SETD5: variants seen among roughly 807,000 people sequenced by gnomAD.
SETD5 encodes SET domain containing 5.
Under a neutral mutation model 153.3 loss-of-function variants are expected in SETD5, and 44 were observed. The observed-to-expected ratio is 0.29, with a 90% CI of 0.23 to 0.37. The LOEUF (loss-of-function observed/expected upper bound fraction) is 0.37, where lower values mean the gene tolerates loss of function less well. Ranked by LOEUF, SETD5 falls within the 10% of genes least tolerant of loss-of-function variation. The pLI is 1.00. For synonymous variants in SETD5, 716 were observed against 645.2 expected, an observed-to-expected ratio of 1.11 and a Z score of -1.66; for missense variants, 1,544 against 1,768.0, an observed-to-expected ratio of 0.87 and a Z score of 2.27.
At chr3:9,417,065 T>G (rs2037573975) in intron 1 of SETD5, among the ~76,000 whole-genome samples, 1 of 152,136 alleles carries the variant, frequency 6.6e-6, no homozygotes, top group Admixed American at 6.5e-5. Context: ...GAGTTTGGAC[T>G]AGCCCAATAA....
At chr3:9,469,092 C>T (rs1205366324) in intron 18 of SETD5, among the ~76,000 whole-genome samples, 1 of 152,138 alleles carries the variant, frequency 6.6e-6, no homozygotes, top group Non-Finnish European at 1.5e-5. Context: ...AAGGGAAAGT[C>T]ATTCTGTCTT....
intron 18 of SETD5, 156 bp downstream of exon 18, chr3:9,464,828 C>G: frequency 8.5e-7 from 1 of 1,181,594 alleles, no homozygotes; most frequent in South Asian, 1.4e-5. Flanking sequence ...TGGCCTGTTA[C>G]CTGGTAGCCT....
rs1398665797 is a variant in SETD5 at position 9,447,703 on chromosome 3, A to G, written c.1800A>G (p.Lys600=). Residue 600 remains lysine (K), a synonymous_variant, in exon 15 of 23, where the codon AAA becomes AAG. Transcript: ENST00000402198. ...TGCTACAGGATATTGCTGCAGAAAA[A>G]CTAGTCCCCAAGCCACCTCCAGCAA... ...SSQAGDIAAE[K]LVPKPPPAKP... 3.7e-6 allele frequency: 6 copies of G among 1,613,662 alleles called. No homozygotes were observed. Among genetic ancestry groups the G allele is most frequent in the Admixed American group, 1.7e-5 (1 of 59,980 alleles).
chr3:9,399,147 A>G (rs1470053451), intron 1 of SETD5, among the ~76,000 whole-genome samples: 2 of 151,930 alleles, frequency 1.3e-5, no homozygotes, highest in South Asian at 2.1e-4. Context: ...TTTAGATGAC[A>G]TATTTGTGAC....
At chr3:9,450,719 A>G (rs1440055689) in intron 16 of SETD5, among the ~76,000 whole-genome samples, 2 of 152,156 alleles carry the variant, frequency 1.3e-5, no homozygotes, top group Non-Finnish European at 2.9e-5. Flanking sequence ...AAAACCCTCC[A>G]TGGGATTATT....
Position 9,434,147 on chromosome 3 carries a change from T to G in SETD5, c.178-187T>G. ...TCCCAGTTGACCTTGGCATTTTGTT[T>G]TATCACTTTCCTGGTTGAAGCCAAA... On this transcript the variant is annotated intron_variant, in intron 4 of 22. Transcript: ENST00000402198. The surrounding 1 kb of genome is among the most constrained non-coding windows in gnomAD (Gnocchi z 5.6). 6.5e-7 allele frequency: 1 copy of G among 1,548,588 alleles called. No homozygotes were observed. The highest frequency in any genetic ancestry group is 8.7e-7 in the Non-Finnish European group (1 of 1,147,590).
intron 13 of SETD5, among the ~76,000 whole-genome samples, chr3:9,445,970 T>TG (rs1249321828): frequency 3.4e-5 from 5 of 145,818 alleles, no homozygotes; most frequent in African/African-American, 1.3e-4. Context: ...AGGTTGTTTT[T>TG]TTTTTTTTTT....
Position 9,470,854 on chromosome 3 carries a change from A to G in SETD5, c.3120A>G (p.Gly1040=), listed in dbSNP as rs2045219285. 6.2e-7 allele frequency: 1 copy of G among 1,611,926 alleles called. No individual in the cohort carries two copies. The highest frequency in any genetic ancestry group is 8.5e-7 in the Non-Finnish European group (1 of 1,179,054). ...EHGLMKDLSR[G]SLSPGGERAC... ...GCTTAATGAAAGACCTCTCTCGTGGATCCTTGTCACCTGGTGGTGAAAGGG... is the reference window on the plus strand; with the variant it reads ...GCTTAATGAAAGACCTCTCTCGTGGGTCCTTGTCACCTGGTGGTGAAAGGG... The change falls in exon 19 of 23, where the codon GGA becomes GGG. Residue 1040 remains glycine, a synonymous_variant. Transcript: ENST00000402198.
At chr3:9,446,069 C>T (rs572894869) in intron 13 of SETD5, among the ~76,000 whole-genome samples, 17 of 147,620 alleles carry the variant, frequency 1.2e-4, no homozygotes, top group African/African-American at 2.3e-4. Context: ...GGGCGGATCA[C>T]GAGGTCAGGA....
At chr3:9,454,622 C>CAAAAAAAAAAAAA (rs67028533) in intron 17 of SETD5, among the ~76,000 whole-genome samples, 78 of 58,038 alleles carry the variant, frequency 1.3e-3, no homozygotes, top group Middle Eastern at 0.014. Flanking sequence ...AACTCCGTCT[C>CAAAAAAAAAAAAA]AAAAAAAAAA....
intron 13 of SETD5, among the ~76,000 whole-genome samples, chr3:9,446,376 A>G (rs750823349): frequency 1.2e-4 from 18 of 151,294 alleles, no homozygotes; most frequent in Non-Finnish European, 2.5e-4. Flanking sequence ...TGAATTAGGA[A>G]TTTTCTAGGT....
chr3:9,437,111 T>C (rs1235666562), intron 7 of SETD5, among the ~76,000 whole-genome samples: 1 of 152,202 alleles, frequency 6.6e-6, no homozygotes, highest in Non-Finnish European at 1.5e-5. Flanking sequence ...TTGATTGGTT[T>C]TTCATTCATT....
chr3:9,417,496 T>C (rs979037717), intron 1 of SETD5, among the ~76,000 whole-genome samples: 15 of 151,658 alleles, frequency 9.9e-5, no homozygotes, highest in South Asian at 2.1e-4. Flanking sequence ...TTTTTTTTTT[T>C]TCCCCCCGAG....
chr3:9,427,157 A>G (rs796232030), intron 2 of SETD5, among the ~76,000 whole-genome samples: 2 of 152,286 alleles, frequency 1.3e-5, no homozygotes, highest in African/African-American at 2.4e-5. Context: ...AAGTGTTGGT[A>G]TTACAGTTGT....
chr3:9,433,502 A>T, intron 3 of SETD5: 1 of 1,292,210 alleles, frequency 7.7e-7, no homozygotes, highest in Non-Finnish European at 1.0e-6. Context: ...ATTAAGAAGA[A>T]TAGTTCTGAG....
chr3:9,427,240 A>G (rs1426706401), intron 2 of SETD5, among the ~76,000 whole-genome samples: 2 of 152,136 alleles, frequency 1.3e-5, no homozygotes, highest in Admixed American at 6.5e-5. Flanking sequence ...ATCTCAGACC[A>G]TCTACCATTT....
Position 9,475,816 on chromosome 3 carries a change from C to A in SETD5, c.4054C>A (p.Pro1352Thr), listed in dbSNP as rs201224440. 44 of 1,614,044 alleles carry A rather than the reference C, an allele frequency of 2.7e-5. No homozygotes were observed. ...TGCTGCTAGCCCTACCCTGCAGGGA[C>A]CCTCAGACTCGCCAACCTCAGATTC... is the stretch of plus-strand genomic sequence containing the variant. ...SSAASPTLQG[P>T]SDSPTSDSVS... Residue 1352 changes from proline to threonine, a missense_variant, in exon 23 of 23, where the codon CCC becomes ACC. This residue lies in a region of SETD5 where 302 missense variants were observed against 277.6 expected (regional missense o/e 1.09). Coordinates refer to ENST00000402198, the MANE Select transcript of SETD5 (RefSeq NM_001080517.3).
In SETD5 at chr3:9,477,936, T is replaced by A. The variant is rs1276248890; in HGVS notation, c.*1845T>A. On this transcript the variant is annotated 3_prime_UTR_variant, in exon 23 of 23. Transcript: ENST00000402198. ...GGCGGCCCTCACCCTGCCTGGCACG[T>A]GCAGAGACCCCAGCCACTCTGTGTG... is the stretch of plus-strand genomic sequence containing the variant. 2.3e-5 allele frequency: 3 copies of A among 128,268 alleles called. No individual in the cohort carries two copies. The highest frequency in any genetic ancestry group is 8.8e-5 in the African/African-American group (3 of 34,138). The allele number at this position is 128,268 out of a possible 1,614,324, so 7.9% of individuals were successfully genotyped here.
At chr3:9,418,686 C>T (rs2037917930) in intron 1 of SETD5, among the ~76,000 whole-genome samples, 1 of 151,572 alleles carries the variant, frequency 6.6e-6, no homozygotes, top group African/African-American at 2.4e-5. Flanking sequence ...ACCTATAATC[C>T]CAGCTACTCA....
Sources: allele counts gnomAD v4.1 joint callset (sites outside exome capture counted in the v4.1 genomes callset), GRCh38; gene constraint gnomAD v4.1.1; regional missense constraint gnomAD v4.1.1; non-coding constraint Gnocchi (gnomAD v3.1); transcripts MANE v1.5; gene names NCBI Gene and HGNC (gene_info 2026-07-23, HGNC 2026-07-21).